The following SLC35F4 variants were observed in gnomAD, a reference collection of about 807,000 sequenced individuals.
SLC35F4 encodes chromosome 14 open reading frame 36.
Under a neutral mutation model 44.2 loss-of-function variants are expected in SLC35F4, and 24 were observed. The ratio of observed to expected loss-of-function variants is 0.54; its 90% CI spans 0.39 to 0.76. SLC35F4 has a LOEUF of 0.76. SLC35F4 is among the 30% of genes least tolerant of loss of function. The pLI is 0.00. For synonymous variants in SLC35F4, 238 were observed against 223.6 expected (o/e 1.06, Z -0.57); for missense variants, 562 against 586.1 (o/e 0.96, Z 0.42).
At chr14:57,739,647 T>C (rs1311905248) in intron 1 of SLC35F4, among the ~76,000 whole-genome samples, 1 of 152,206 alleles carries the variant, frequency 6.6e-6, no homozygotes, top group African/African-American at 2.4e-5. Context: ...GGCATCCTTC[T>C]TGAGGAGTGA....
At chr14:57,580,650 A>G (rs1375202162) in intron 4 of SLC35F4, 1 of 199,500 alleles carries the variant, frequency 5.0e-6, no homozygotes, top group Admixed American at 5.7e-5. Context: ...ATGCAGTTCA[A>G]TTAAGGATTT....
chr14:57,928,078 C>T (rs1032303704), intron 1 of SLC35F4, among the ~76,000 whole-genome samples: 1 of 151,828 alleles, frequency 6.6e-6, no homozygotes, highest in East Asian at 1.9e-4. Flanking sequence ...AACCTGTGGA[C>T]CCACCCTCAC....
At chr14:57,782,012 G>T (rs893445009) in intron 1 of SLC35F4, among the ~76,000 whole-genome samples, 2 of 152,144 alleles carry the variant, frequency 1.3e-5, no homozygotes, top group African/African-American at 4.8e-5. Context: ...AAACCCCCAT[G>T]ACACAAGTTT....
At position 57,609,281 on chromosome 14, in the gene SLC35F4, C is replaced by T. The variant is rs576203823; in HGVS notation, c.104-15157G>A. Among the ~76,000 whole-genome samples the T allele has an allele frequency of 2.6e-5, 4 of 152,188 alleles. No homozygotes were observed. In the South Asian group the frequency reaches 8.3e-4, roughly 32 times the overall value. ...GTGCAAAAGATTTATAAAAATCAGG[C>T]ATGTTTTTGTAATTTAATAGAAGAA... is the stretch of plus-strand genomic sequence containing the variant. On this transcript the variant is annotated intron_variant, in intron 1 of 7. Transcript: ENST00000556826.
At chr14:57,566,893 GTGAT>G (rs1441316874) in intron 6 of SLC35F4, among the ~76,000 whole-genome samples, 2 of 152,226 alleles carry the variant, frequency 1.3e-5, no homozygotes, top group Admixed American at 6.5e-5. Flanking sequence ...TTAAAAGCAG[GTGAT>G]TGATTGAAGA....
At chr14:57,884,464 T>G (rs2141034842) in intron 1 of SLC35F4, among the ~76,000 whole-genome samples, 1 of 152,300 alleles carries the variant, frequency 6.6e-6, no homozygotes, top group East Asian at 1.9e-4. Flanking sequence ...CTTCCATATT[T>G]CGTTTCTTTT....
intron 1 of SLC35F4, among the ~76,000 whole-genome samples, chr14:57,841,631 G>T (rs1349901567): frequency 6.6e-6 from 1 of 152,166 alleles, no homozygotes; most frequent in African/African-American, 2.4e-5. Context: ...CAATTCCAGT[G>T]CCCTAAAGGT....
intron 1 of SLC35F4, among the ~76,000 whole-genome samples, chr14:57,981,526 C>T (rs1429879119): frequency 2.0e-5 from 3 of 152,070 alleles, no homozygotes; most frequent in African/African-American, 7.2e-5. Flanking sequence ...TTTAAAATGA[C>T]TTCATTCTCA....
At chr14:57,946,469 CTTTTTTTTTTTTTT>C (rs71104596) in intron 1 of SLC35F4, among the ~76,000 whole-genome samples, 1 of 78,214 alleles carries the variant, frequency 1.3e-5, no homozygotes, top group African/African-American at 5.8e-5. Context: ...GTTTTCTTTT[CTTTTTTTTTTTTTT>C]TTTTTTTTTG....
At chr14:57,744,888 CAG>C (rs2076714184) in intron 1 of SLC35F4, among the ~76,000 whole-genome samples, 1 of 152,170 alleles carries the variant, frequency 6.6e-6, no homozygotes, top group Non-Finnish European at 1.5e-5. Flanking sequence ...GGTACCAAAA[CAG>C]AGATATAGAC....
intron 1 of SLC35F4, among the ~76,000 whole-genome samples, chr14:57,845,051 G>A (rs936986297): frequency 7.2e-5 from 11 of 152,138 alleles, no homozygotes; most frequent in Middle Eastern, 3.4e-3. Flanking sequence ...TCAGTCTTTC[G>A]GGGAGAAGGA....
intron 6 of SLC35F4, among the ~76,000 whole-genome samples, chr14:57,567,498 C>T (rs916142712): frequency 1.3e-5 from 2 of 152,240 alleles, no homozygotes; most frequent in Admixed American, 6.5e-5. Context: ...CTGTAATTCC[C>T]GCTTTAAGCC....
chr14:57,876,879 A>C (rs1246134279), intron 1 of SLC35F4, among the ~76,000 whole-genome samples: 3 of 152,154 alleles, frequency 2.0e-5, no homozygotes, highest in African/African-American at 7.2e-5. Context: ...AGTCTCTGTA[A>C]ATGATTATTC....
At chr14:57,674,256 T>C (rs1374763379) in intron 1 of SLC35F4, among the ~76,000 whole-genome samples, 6 of 152,126 alleles carry the variant, frequency 3.9e-5, no homozygotes, top group Non-Finnish European at 7.3e-5. Flanking sequence ...ATCTCATACA[T>C]ATTGGTAGGA....
At chr14:57,933,693 C>T (rs1889743210) in intron 1 of SLC35F4, among the ~76,000 whole-genome samples, 1 of 152,142 alleles carries the variant, frequency 6.6e-6, no homozygotes, top group South Asian at 2.1e-4. Context: ...GATGGTTTCA[C>T]ACAAATATTG....
At chr14:57,683,693 G>C (rs1049772463) in intron 1 of SLC35F4, among the ~76,000 whole-genome samples, 4 of 151,996 alleles carry the variant, frequency 2.6e-5, no homozygotes, top group African/African-American at 9.7e-5. Flanking sequence ...TGTCACTTTT[G>C]ACTTTTAAAA....
chr14:57,745,815 C>G (rs887628609), intron 1 of SLC35F4, among the ~76,000 whole-genome samples: 3 of 152,152 alleles, frequency 2.0e-5, no homozygotes, highest in African/African-American at 7.2e-5. Flanking sequence ...TTCACAATAG[C>G]AAAGACTTGG....
At chr14:57,615,119 A>T (rs1272317459) in intron 1 of SLC35F4, among the ~76,000 whole-genome samples, 3 of 152,210 alleles carry the variant, frequency 2.0e-5, no homozygotes, top group Non-Finnish European at 4.4e-5. Flanking sequence ...GCTAAGTACA[A>T]GTTAAAATCC....
chr14:57,794,387 A>T (rs2078003700), intron 1 of SLC35F4, among the ~76,000 whole-genome samples: 1 of 152,138 alleles, frequency 6.6e-6, no homozygotes, highest in Admixed American at 6.6e-5. Flanking sequence ...GGCAAACAAC[A>T]TAAACAGACA....
Sources: allele counts gnomAD v4.1 joint callset (sites outside exome capture counted in the v4.1 genomes callset), GRCh38; gene constraint gnomAD v4.1.1; transcripts MANE v1.5; gene names NCBI Gene and HGNC (gene_info 2026-07-23, HGNC 2026-07-21).